The following CELF4 variants were observed in gnomAD, a reference collection of about 807,000 sequenced individuals.
CELF4 encodes CUGBP Elav-like family member 4.
Under a neutral mutation model 59.9 loss-of-function variants are expected in CELF4, and 18 were observed. That is an observed-to-expected ratio of 0.30 (90% CI 0.21 to 0.45). The LOEUF is 0.45. CELF4 is among the 20% of genes least tolerant of loss of function. The pLI is 1.00. For synonymous variants in CELF4, 261 were observed against 267.1 expected (o/e 0.98, Z 0.22); for missense variants, 456 against 689.0 (o/e 0.66, Z 3.79).
chr18:37,430,629 G>A (rs141835240), intron 2 of CELF4, among the ~76,000 whole-genome samples: 7 of 152,370 alleles, frequency 4.6e-5, no homozygotes, highest in Non-Finnish European at 7.3e-5. Flanking sequence ...CAAATGACAG[G>A]CTGCAGAAGC....
At chr18:37,469,485 C>A (rs964164688) in intron 2 of CELF4, among the ~76,000 whole-genome samples, 1 of 152,154 alleles carries the variant, frequency 6.6e-6, no homozygotes, top group African/African-American at 2.4e-5. Context: ...TAGATCAGTT[C>A]GTTTTAAGAG....
At chr18:37,266,189 G>A in intron 9 of CELF4, 1 of 448,872 alleles carries the variant, frequency 2.2e-6, no homozygotes, top group Non-Finnish European at 4.1e-6. Flanking sequence ...CTCGCCTGTG[G>A]TGCTGGTGTC....
At chr18:37,284,008 C>A in intron 3 of CELF4, among the ~76,000 whole-genome samples, 1 of 1,834 alleles carries the variant, frequency 5.5e-4, no homozygotes, top group Non-Finnish European at 1.4e-3. Context: ...AACCCAACCA[C>A]TCAACATGCA....
rs1568590852 is a variant in CELF4 at position 37,243,494 on chromosome 18, G to T, written c.*1748C>A. The T allele has an allele frequency of 6.6e-6, 1 of 152,064 alleles. No homozygotes were observed. The highest frequency in any genetic ancestry group is 1.5e-5 in the Non-Finnish European group (1 of 68,002). The allele number at this position is 152,064 out of a possible 1,614,324, so 9.4% of individuals were successfully genotyped here. On this transcript the variant is annotated 3_prime_UTR_variant, in exon 13 of 13. Coordinates refer to ENST00000420428, the MANE Select transcript of CELF4 (RefSeq NM_020180.4). ...TATATGTGTTCTTAAATAATTCAGTGTTTTTTCTGATTCTGAGTTTTTTAA... is the reference window on the plus strand; with the variant it reads ...TATATGTGTTCTTAAATAATTCAGTTTTTTTTCTGATTCTGAGTTTTTTAA...
chr18:37,266,492 C>G (rs536492294), intron 9 of CELF4, 41 bp downstream of exon 9: 2 of 1,552,734 alleles, frequency 1.3e-6, no homozygotes, highest in Admixed American at 1.9e-5. Flanking sequence ...GAGAGATAAA[C>G]GGAGTTGGGG....
At chr18:37,371,535 C>A (rs1263802060) in intron 2 of CELF4, among the ~76,000 whole-genome samples, 1 of 152,246 alleles carries the variant, frequency 6.6e-6, no homozygotes, top group Non-Finnish European at 1.5e-5. Context: ...CCAGAGATGT[C>A]CTCAGACTGA....
chr18:37,259,283 G>T lies in CELF4; in HGVS notation c.1250-19C>A. On this transcript the variant is annotated intron_variant, in intron 10 of 12. Transcript: ENST00000420428. Reference sequence around the variant, plus strand: ...TCGGGCCCTGCGGTGAGGGGAGGGGGTGGGCGGGGGAGGAGGGATGGCAGG... The same window carrying T: ...TCGGGCCCTGCGGTGAGGGGAGGGGTTGGGCGGGGGAGGAGGGATGGCAGG... 2.0e-6 allele frequency: 2 copies of T among 979,088 alleles called. No individual in the cohort carries two copies. Among genetic ancestry groups the T allele is most frequent in the Non-Finnish European group, 1.6e-6 (1 of 625,536 alleles). 60.7% of individuals were successfully genotyped at this position (979,088 alleles called of 1,614,324 possible).
At chr18:37,410,243 C>A (rs576223277) in intron 2 of CELF4, among the ~76,000 whole-genome samples, 1 of 152,374 alleles carries the variant, frequency 6.6e-6, no homozygotes, top group South Asian at 2.1e-4. Flanking sequence ...CCCAATTAAT[C>A]TACTCTCTCC....
chr18:37,250,228 T>G (rs1200881156), intron 12 of CELF4, among the ~76,000 whole-genome samples: 1 of 152,168 alleles, frequency 6.6e-6, no homozygotes, highest in Admixed American at 6.5e-5. Flanking sequence ...CAAAGATTGC[T>G]TAGAGAAACT....
intron 3 of CELF4, among the ~76,000 whole-genome samples, chr18:37,315,849 G>C (rs898986617): frequency 1.1e-4 from 16 of 152,196 alleles, no homozygotes; most frequent in Non-Finnish European, 1.5e-5. Flanking sequence ...CCCACTAAGC[G>C]GGGTGGGCAC....
At chr18:37,326,734 C>A (rs561840633) in intron 2 of CELF4, among the ~76,000 whole-genome samples, 1,666 of 152,260 alleles carry the variant, frequency 0.011, 13 homozygotes, top group Middle Eastern at 0.02. Context: ...GTGGGCCTGG[C>A]CCAGATCTGG....
At chr18:37,337,449 T>G (rs1363972320) in intron 2 of CELF4, among the ~76,000 whole-genome samples, 1 of 152,172 alleles carries the variant, frequency 6.6e-6, no homozygotes, top group Non-Finnish European at 1.5e-5. Flanking sequence ...GGGTCTAATT[T>G]CTTTCCCGGC....
chr18:37,317,147 G>A lies in CELF4; in HGVS notation c.448+4656C>T, dbSNP rs151331920. The stretch of plus-strand genomic sequence containing the variant: ...TATGCCTATAATCCCAGCACTTTGG[G>A]AGGCCAAGGCAGAAGGATCACCTGA... On this transcript the variant is annotated intron_variant, in intron 3 of 12. Coordinates refer to ENST00000420428, the MANE Select transcript of CELF4 (RefSeq NM_020180.4). Among the ~76,000 whole-genome samples, 1,098 of 152,322 alleles carry A rather than the reference G, an allele frequency of 7.2e-3. 8 individuals carry two copies. Among genetic ancestry groups the A allele is most frequent in the Non-Finnish European group, 9.8e-3 (668 of 68,030 alleles).
At chr18:37,371,757 G>A (rs542413304) in intron 2 of CELF4, among the ~76,000 whole-genome samples, 2 of 152,316 alleles carry the variant, frequency 1.3e-5, no homozygotes, top group Admixed American at 1.3e-4. Context: ...GCCAGAGAGG[G>A]CTTGGGGCAG....
intron 2 of CELF4, among the ~76,000 whole-genome samples, chr18:37,415,258 T>C (rs746351034): frequency 5.9e-5 from 9 of 152,154 alleles, no homozygotes; most frequent in Non-Finnish European, 1.0e-4. Flanking sequence ...ATGGAAGGCA[T>C]GTTTAGAGAA....
At chr18:37,291,714 A>G (rs1245432501) in intron 3 of CELF4, among the ~76,000 whole-genome samples, 16 of 151,904 alleles carry the variant, frequency 1.1e-4, no homozygotes, top group Non-Finnish European at 1.5e-5. Context: ...CTACTCATCA[A>G]CCTCCTCTGT....
At chr18:37,408,266 T>C (rs916470834) in intron 2 of CELF4, among the ~76,000 whole-genome samples, 5 of 152,128 alleles carry the variant, frequency 3.3e-5, no homozygotes, top group Non-Finnish European at 7.3e-5. Flanking sequence ...ATATCCATGA[T>C]AGGAATTATG....
At chr18:37,485,871 C>T (rs1003283551) in intron 1 of CELF4, 3 of 318,046 alleles carry the variant, frequency 9.4e-6, no homozygotes, top group African/African-American at 4.3e-5. Flanking sequence ...ACCACACCCC[C>T]CTCTCCTTAC....
At chr18:37,298,819 T>C (rs1454385658) in intron 3 of CELF4, among the ~76,000 whole-genome samples, 1 of 152,008 alleles carries the variant, frequency 6.6e-6, no homozygotes, top group Non-Finnish European at 1.5e-5. Context: ...CACTCCCAGT[T>C]CCGCTCCAGC....
Sources: allele counts gnomAD v4.1 joint callset (sites outside exome capture counted in the v4.1 genomes callset), GRCh38; gene constraint gnomAD v4.1.1; transcripts MANE v1.5; gene names NCBI Gene and HGNC (gene_info 2026-07-23, HGNC 2026-07-21).